CFAP46: variants seen among roughly 807,000 people sequenced by gnomAD.
CFAP46 encodes the protein cilia and flagella associated protein 46, also known as cilia- and flagella-associated protein 46.
In CFAP46, 245 loss-of-function variants were observed where a neutral mutation model predicts 325.7. That is an observed-to-expected ratio of 0.75 (90% CI 0.68 to 0.84). CFAP46 has a LOEUF of 0.84. CFAP46 is among the 40% of genes least tolerant of loss of function. CFAP46 has a pLI of 0.00. For missense variants in CFAP46, 3,346 were observed against 3,543.0 expected (o/e 0.94, Z 1.41); for synonymous variants, 1,523 against 1,495.9 (o/e 1.02, Z -0.42).
chr10:132,891,471 G>C lies in CFAP46; in HGVS notation c.3304+862C>G, dbSNP rs142983171. ...GCCGTAAGACACCAAGTTCCAGCCTGACTCTAGCATAGCATCGCATGACAG... is the reference window on the plus strand; with the variant it reads ...GCCGTAAGACACCAAGTTCCAGCCTCACTCTAGCATAGCATCGCATGACAG... On this transcript the variant is annotated intron_variant, in intron 25 of 57. Coordinates refer to ENST00000368586, the MANE Select transcript of CFAP46 (RefSeq NM_001200049.3). 1.0e-3 allele frequency among the ~76,000 whole-genome samples: 153 copies of C among 152,338 alleles called. 1 individual carries two copies. Among genetic ancestry groups the C allele is most frequent in the East Asian group, 2.3e-3 (12 of 5,182 alleles).
At position 132,930,120 on chromosome 10, in the gene CFAP46, A is replaced by G. The variant is rs1389756290; in HGVS notation, c.867-316T>C. Among the ~76,000 whole-genome samples the G allele has an allele frequency of 2.0e-5, 3 of 152,236 alleles. No individual in the cohort carries two copies. In the East Asian group the frequency reaches 5.8e-4, roughly 29 times the overall value. ...TGCAGAACCCAGGAGAAGCACAGGGATGACGACATGCGTACTCAAAGCCAT... is the reference window on the plus strand; with the variant it reads ...TGCAGAACCCAGGAGAAGCACAGGGGTGACGACATGCGTACTCAAAGCCAT... On this transcript the variant is annotated intron_variant, in intron 8 of 57. Transcript: ENST00000368586.
At chr10:132,838,638 TC>T (rs1848304189) in intron 44 of CFAP46, among the ~76,000 whole-genome samples, 1 of 152,268 alleles carries the variant, frequency 6.6e-6, no homozygotes, top group Non-Finnish European at 1.5e-5. Context: ...AGCGTCTTCA[TC>T]CGTTCTGTGG....
chr10:132,841,777 C>T (rs940176862), intron 44 of CFAP46, among the ~76,000 whole-genome samples: 18 of 152,310 alleles, frequency 1.2e-4, no homozygotes, highest in Admixed American at 3.3e-4. Flanking sequence ...CCCCTGGGGC[C>T]GCCATGGAGA....
chr10:132,810,357 G>A, intron 57 of CFAP46, 52 bp downstream of exon 57: 2 of 1,507,798 alleles, frequency 1.3e-6, no homozygotes, highest in Non-Finnish European at 1.8e-6. Flanking sequence ...CCCATGGGCA[G>A]TGGCTGCAGA....
intron 29 of CFAP46, among the ~76,000 whole-genome samples, chr10:132,879,040 C>T (rs572054278): frequency 2.2e-4 from 34 of 152,196 alleles, no homozygotes; most frequent in African/African-American, 7.9e-4. Context: ...CTAACAGAGG[C>T]GCCTGCCGCT....
Position 132,868,483 on chromosome 10 carries a change from C to T in CFAP46, c.4610+791G>A, listed in dbSNP as rs147117814. 7.2e-5 allele frequency among the ~76,000 whole-genome samples: 11 copies of T among 152,048 alleles called. No individual in the cohort carries two copies. The East Asian group carries it at 7.7e-4, about 11-fold the overall frequency. On this transcript the variant is annotated intron_variant, in intron 33 of 57. Coordinates refer to ENST00000368586, the MANE Select transcript of CFAP46 (RefSeq NM_001200049.3). ...TAACTCACGGTGCACAGATAACTCA[C>T]GGTACTGAAAAATGCAAAGTTCACA...
Position 132,885,786 on chromosome 10 carries a change from AGGGAGCACTCACAGGCGGTGGG to A in CFAP46, c.3443+13_3443+34del. On this transcript the variant is annotated intron_variant, in intron 26 of 57. Transcript: ENST00000368586. ...GGTGGGGGGAGCACTCAGGCGGTGGAGGGAGCACTCACAGGCGGTGGGGGGAGCACTCACAGGCGGTGGGCCG... is the reference window on the plus strand; with the variant it reads ...GGTGGGGGGAGCACTCAGGCGGTGGAGGGAGCACTCACAGGCGGTGGGCCG... 101 of 1,296,592 alleles carry A rather than the reference AGGGAGCACTCACAGGCGGTGGG, an allele frequency of 7.8e-5. No individual in the cohort carries two copies. Among genetic ancestry groups the A allele is most frequent in the African/African-American group, 2.9e-4 (7 of 24,136 alleles). 80.3% of individuals were successfully genotyped at this position (1,296,592 alleles called of 1,614,324 possible).
At chr10:132,910,421 C>T (rs1485968323) in intron 19 of CFAP46, among the ~76,000 whole-genome samples, 13 of 152,350 alleles carry the variant, frequency 8.5e-5, no homozygotes, top group African/African-American at 2.9e-4. Context: ...GACGGAGCCC[C>T]GAAAGTGGGG....
intron 50 of CFAP46, among the ~76,000 whole-genome samples, chr10:132,830,845 T>C (rs1027641363): frequency 4.6e-5 from 7 of 152,214 alleles, no homozygotes; most frequent in African/African-American, 1.7e-4. Flanking sequence ...ATTTGCTCTT[T>C]TTCTAATTTC....
rs373435176 is a variant in CFAP46 at position 132,857,867 on chromosome 10, C to T, written c.5376-79G>A. On this transcript the variant is annotated intron_variant, in intron 38 of 57. Transcript: ENST00000368586. ...GTTTAATATGTCATTTTCTATCATACTGTATATTTTATTAGTGCTTAAAAT... is the reference window on the plus strand; with the variant it reads ...GTTTAATATGTCATTTTCTATCATATTGTATATTTTATTAGTGCTTAAAAT... The T allele has an allele frequency of 5.7e-6, 7 of 1,223,002 alleles. No individual in the cohort carries two copies. The South Asian group carries it at 8.1e-5, about 14-fold the overall frequency. The allele number at this position is 1,223,002 out of a possible 1,614,324, so 75.8% of individuals were successfully genotyped here. A position where few individuals can be genotyped will look rare whatever the true frequency, so the allele number is the denominator to read the frequency against.
chr10:132,903,212 C>A (rs554053227), intron 22 of CFAP46, among the ~76,000 whole-genome samples: 2 of 152,346 alleles, frequency 1.3e-5, no homozygotes, highest in South Asian at 2.1e-4. Context: ...ACAGCTCCAA[C>A]TTCTCTAGCG....
chr10:132,813,491 G>A (rs559929311), intron 54 of CFAP46, among the ~76,000 whole-genome samples: 44 of 126,556 alleles, frequency 3.5e-4, no homozygotes, highest in Non-Finnish European at 6.0e-4. Flanking sequence ...GCACACACCT[G>A]CCCCTGCACA....
At position 132,847,282 on chromosome 10, in the gene CFAP46, C is replaced by T. The variant is rs375472359; in HGVS notation, c.5992G>A (p.Glu1998Lys). The T allele has an allele frequency of 6.2e-7, 1 of 1,613,584 alleles. No individual in the cohort carries two copies. Among genetic ancestry groups the T allele is most frequent in the Non-Finnish European group, 8.5e-7 (1 of 1,179,950 alleles). The change falls in exon 42 of 58, where the codon GAG becomes AAG. Residue 1998 changes from glutamate to lysine, a missense_variant. Coordinates refer to ENST00000368586, the MANE Select transcript of CFAP46 (RefSeq NM_001200049.3). This position sits in a 1 kb window ranked among gnomAD's most constrained non-coding sequence, Gnocchi z 5.2. The part of the protein sequence containing the change: ...KLSGLKSLEL[E>K]VEEEGATKSS... ...TTTGTGGCACCCTCTTCCTCTACCT[C>T]CAGCTCCAGAGACTTGAGGCCGCTC...
intron 9 of CFAP46, among the ~76,000 whole-genome samples, chr10:132,928,276 G>A (rs1381537112): frequency 3.9e-5 from 6 of 152,236 alleles, no homozygotes; most frequent in African/African-American, 1.2e-4. Context: ...CCGGACCCAG[G>A]CGTTCCATAG....
chr10:132,821,458 T>TGA (rs1206546133), intron 50 of CFAP46, among the ~76,000 whole-genome samples: 2 of 140,050 alleles, frequency 1.4e-5, no homozygotes, highest in Admixed American at 1.4e-4. Context: ...GTGTGCTGTG[T>TGA]GTGCTGATGT....
At chr10:132,937,454 A>G in intron 6 of CFAP46, 98 bp downstream of exon 6, 1 of 1,461,020 alleles carries the variant, frequency 6.8e-7, no homozygotes, top group Non-Finnish European at 9.5e-7. Context: ...AGATTTTTAT[A>G]TCTCTCAGCA....
chr10:132,865,663 C>A (rs1848802553), intron 35 of CFAP46, among the ~76,000 whole-genome samples: 1 of 152,224 alleles, frequency 6.6e-6, no homozygotes, highest in Admixed American at 6.5e-5. Flanking sequence ...CAAAGTGGCG[C>A]TCCTGGCAGA....
At position 132,827,381 on chromosome 10, in the gene CFAP46, C is replaced by T. The variant is rs907892356; in HGVS notation, c.7117+5977G>A. Among the ~76,000 whole-genome samples the T allele has an allele frequency of 3.9e-5, 6 of 152,126 alleles. No individual in the cohort carries two copies. The highest frequency in any genetic ancestry group is 4.8e-5 in the African/African-American group (2 of 41,416). The stretch of plus-strand genomic sequence containing the variant: ...GGCCTGGAGGAGCCTCCCTGGGACA[C>T]GGTGCCTGCAGGGCCCTCTGTCCTT... On this transcript the variant is annotated intron_variant, in intron 50 of 57. Transcript: ENST00000368586. The surrounding 1 kb of genome is among the most constrained non-coding windows in gnomAD (Gnocchi z 5.7).
chr10:132,913,596 C>T (rs1470853368), intron 17 of CFAP46, among the ~76,000 whole-genome samples: 1 of 152,210 alleles, frequency 6.6e-6, no homozygotes, highest in Non-Finnish European at 1.5e-5. Flanking sequence ...CGACCAGCCT[C>T]CACCCAGCCA....
Sources: gnomAD v4.1 joint callset for allele counts (sites outside exome capture counted in the v4.1 genomes callset) on GRCh38, gnomAD v4.1.1 for gene constraint, Gnocchi (gnomAD v3.1) non-coding constraint, MANE v1.5 for transcripts, NCBI Gene and HGNC (gene_info 2026-07-23, HGNC 2026-07-21) for gene names.